MAP1B: variants seen among roughly 807,000 people sequenced by gnomAD.
MAP1B encodes microtubule associated protein 1B.
Under a neutral mutation model 176.1 loss-of-function variants are expected in MAP1B, and 12 were observed. That is an observed-to-expected ratio of 0.07 (90% CI 0.04 to 0.11). The LOEUF is 0.11. MAP1B is among the 10% of genes least tolerant of loss of function. The pLI, the probability that MAP1B is intolerant of heterozygous loss-of-function variation, is 1.00. For missense variants in MAP1B, 2,523 were observed against 2,990.5 expected (o/e 0.84, Z 3.65); for synonymous variants, 1,044 against 1,135.0 (o/e 0.92, Z 1.61).
At chr5:72,183,322 G>C (rs1016066262) in intron 2 of MAP1B, among the ~76,000 whole-genome samples, 8 of 152,142 alleles carry the variant, frequency 5.3e-5, no homozygotes, top group African/African-American at 1.9e-4. Context: ...TCACAATAAG[G>C]CTCCTAATTA....
At chr5:72,193,447 T>C in intron 4 of MAP1B, 1 of 314,660 alleles carries the variant, frequency 3.2e-6, no homozygotes, top group South Asian at 2.8e-5. Context: ...TTAACGTTTT[T>C]TTTTAAAGGG....
At position 72,206,541 on chromosome 5, in the gene MAP1B, A is replaced by G. The variant is rs553342033; in HGVS notation, c.*1302A>G. 1.3e-5 allele frequency: 2 copies of G among 152,750 alleles called. No homozygotes were observed. The highest frequency in any genetic ancestry group is 4.1e-4 in the South Asian group (2 of 4,832). The allele number at this position is 152,750 out of a possible 1,614,324, so 9.5% of individuals were successfully genotyped here. On this transcript the variant is annotated 3_prime_UTR_variant, in exon 7 of 7. Coordinates refer to ENST00000296755, the MANE Select transcript of MAP1B (RefSeq NM_005909.5). ...CAGTATTTACCTTCCTTTGTCTTAC[A>G]TTGGCTTTTTAAATTTTCCATTAAT... is the stretch of plus-strand genomic sequence containing the variant.
At chr5:72,162,571 G>T (rs1362762226) in intron 2 of MAP1B, among the ~76,000 whole-genome samples, 1 of 152,028 alleles carries the variant, frequency 6.6e-6, no homozygotes, top group African/African-American at 2.4e-5. Context: ...ATCATTTTAT[G>T]TTAGCGCTTA....
intron 2 of MAP1B, among the ~76,000 whole-genome samples, chr5:72,144,890 CCTT>C (rs1195926032): frequency 1.3e-5 from 2 of 152,274 alleles, no homozygotes; most frequent in East Asian, 3.9e-4. Context: ...AGAATGCACT[CCTT>C]CTTATAACTG....
At chr5:72,190,576 C>A (rs760863233) in intron 4 of MAP1B, among the ~76,000 whole-genome samples, 1 of 152,216 alleles carries the variant, frequency 6.6e-6, no homozygotes, top group Non-Finnish European at 1.5e-5. Flanking sequence ...TTCTGCCATT[C>A]CACATTTTGC....
At chr5:72,113,726 G>C (rs2112117478) in intron 1 of MAP1B, among the ~76,000 whole-genome samples, 1 of 152,316 alleles carries the variant, frequency 6.6e-6, no homozygotes, top group Non-Finnish European at 1.5e-5. Context: ...ACAAAGTAGA[G>C]CTCAGACCTG....
chr5:72,117,153 A>C (rs904917789), intron 2 of MAP1B, among the ~76,000 whole-genome samples: 6 of 141,558 alleles, frequency 4.2e-5, no homozygotes, highest in Non-Finnish European at 8.9e-5. Flanking sequence ...CTTTGCTTTG[A>C]GAAAAAAGGA....
chr5:72,208,335 A>G lies in MAP1B; in HGVS notation c.*3096A>G, dbSNP rs184007837. 4.6e-5 allele frequency: 7 copies of G among 152,298 alleles called. No individual in the cohort carries two copies. Among genetic ancestry groups the G allele is most frequent in the Admixed American group, 1.3e-4 (2 of 15,296 alleles). The allele number at this position is 152,298 out of a possible 1,614,324, so 9.4% of individuals were successfully genotyped here. On this transcript the variant is annotated 3_prime_UTR_variant, in exon 7 of 7. Coordinates refer to ENST00000296755, the MANE Select transcript of MAP1B (RefSeq NM_005909.5). Reference sequence around the variant, plus strand: ...TCCAATTGTATAGATTGAATATTTGAGTGGAAGGAATTTACACTCTGTTTA... The same window carrying G: ...TCCAATTGTATAGATTGAATATTTGGGTGGAAGGAATTTACACTCTGTTTA...
At chr5:72,115,581 A>T in intron 1 of MAP1B, 117 bp from the exon 2 acceptor site, 1 of 688,670 alleles carries the variant, frequency 1.5e-6, no homozygotes, top group Non-Finnish European at 2.7e-6. Context: ...CAAGCTCTTC[A>T]GAAAAGGAGT....
chr5:72,140,604 C>T lies in MAP1B; in HGVS notation c.286+24805C>T, dbSNP rs184309224. ...CATGGGAAAGGAAAATAGATCCTTT[C>T]TTTATTAAGTTAATTGTGACAGAAA... On this transcript the variant is annotated intron_variant, in intron 2 of 6. Coordinates refer to ENST00000296755, the MANE Select transcript of MAP1B (RefSeq NM_005909.5). Among the ~76,000 whole-genome samples, 456 of 152,236 alleles carry T rather than the reference C, an allele frequency of 3.0e-3. 2 individuals are homozygous for T. Among genetic ancestry groups the T allele is most frequent in the Non-Finnish European group, 4.7e-3 (322 of 68,008 alleles).
Position 72,194,747 on chromosome 5 carries a change from C to G in MAP1B, c.1392C>G (p.Ser464=), listed in dbSNP as rs752050367. ...PNGQEVDLPI[S]YLTSVSSLIV... ...GTCAAGAAGTAGATCTCCCGATTTC[C>G]TACTTAACTTCAGTCTCATCTTTGA... The change falls in exon 5 of 7, where the codon TCC becomes TCG. Residue 464 remains serine (S), a synonymous_variant. Coordinates refer to ENST00000296755, the MANE Select transcript of MAP1B (RefSeq NM_005909.5). This position sits in a 1 kb window ranked among gnomAD's most constrained non-coding sequence, Gnocchi z 7.2. The G allele has an allele frequency of 6.2e-7, 1 of 1,614,186 alleles. No homozygotes were observed. Among genetic ancestry groups the G allele is most frequent in the Non-Finnish European group, 8.5e-7 (1 of 1,180,038 alleles).
chr5:72,137,548 T>C (rs543648673), intron 2 of MAP1B, among the ~76,000 whole-genome samples: 3 of 152,318 alleles, frequency 2.0e-5, no homozygotes, highest in Non-Finnish European at 2.9e-5. Context: ...TCTGTATAGG[T>C]CTGAAGCTCT....
rs185415646 is a variant in MAP1B, at chr5:72,111,604, T to A, written c.184+3889T>A. On this transcript the variant is annotated intron_variant, in intron 1 of 6. Transcript: ENST00000296755. ...GTGAGAATTAAATGTTAGAGAGTCT[T>A]AAATTTACTATATTTGCCTATACTT... Among the ~76,000 whole-genome samples the A allele has an allele frequency of 3.8e-3, 582 of 152,296 alleles. 5 individuals are homozygous for A. The highest frequency in any genetic ancestry group is 0.013 in the African/African-American group (556 of 41,572).
chr5:72,142,287 C>A (rs1407618184), intron 2 of MAP1B, among the ~76,000 whole-genome samples: 1 of 152,094 alleles, frequency 6.6e-6, no homozygotes, highest in Non-Finnish European at 1.5e-5. Context: ...CCTGGGCGGT[C>A]GCTTATTGTG....
intron 1 of MAP1B, among the ~76,000 whole-genome samples, chr5:72,114,903 G>A (rs1326923035): frequency 6.6e-6 from 1 of 152,130 alleles, no homozygotes; most frequent in Non-Finnish European, 1.5e-5. Context: ...TTCAGCCTAG[G>A]GTAGGAATAG....
Position 72,197,203 on chromosome 5 carries a change from C to T in MAP1B, c.3848C>T (p.Pro1283Leu), listed in dbSNP as rs768680313. The T allele has an allele frequency of 2.6e-5, 42 of 1,614,046 alleles. No individual in the cohort carries two copies. The highest frequency in any genetic ancestry group is 3.0e-5 in the Non-Finnish European group (35 of 1,180,032). ...GERSVNFSLTPNEIKVSAEAE... is the reference protein window; with the variant it reads ...GERSVNFSLTLNEIKVSAEAE... ...CGTAGTGTGAACTTCTCTCTGACGC[C>T]CAATGAGATTAAAGTCTCTGCAGAG... Residue 1283 changes from proline (P) to leucine (L), a missense_variant, in exon 5 of 7, where the codon CCC (proline) becomes CTC (leucine). Around this residue, in one of 4 missense-constraint regions of MAP1B, gnomAD observed 1,925 missense variants for 2,126.0 expected, o/e 0.91. Coordinates refer to ENST00000296755, the MANE Select transcript of MAP1B (RefSeq NM_005909.5).
At chr5:72,160,340 T>G (rs2112178710) in intron 2 of MAP1B, among the ~76,000 whole-genome samples, 1 of 152,326 alleles carries the variant, frequency 6.6e-6, no homozygotes, top group South Asian at 2.1e-4. Context: ...TACTACAAAT[T>G]ATACTTTTCT....
At position 72,198,211 on chromosome 5, in the gene MAP1B, T is replaced by G. The variant is rs1211813885; in HGVS notation, c.4856T>G (p.Ile1619Ser). ...SKEECPRPMS[I>S]SPPDFSPKTA... ...GAAGAATGCCCAAGACCGATGTCAATTTCTCCACCAGATTTCTCCCCTAAA... is the reference window on the plus strand; with the variant it reads ...GAAGAATGCCCAAGACCGATGTCAAGTTCTCCACCAGATTTCTCCCCTAAA... Residue 1619 changes from isoleucine to serine, a missense_variant, in exon 5 of 7, where the codon ATT becomes AGT. Physicochemically the swap from Ile to Ser is moderately radical, Grantham distance 142. Around this residue, in one of 4 missense-constraint regions of MAP1B, gnomAD observed 1,925 missense variants for 2,126.0 expected, o/e 0.91. Coordinates refer to ENST00000296755, the MANE Select transcript of MAP1B (RefSeq NM_005909.5). 1.2e-6 allele frequency: 2 copies of G among 1,614,202 alleles called. No homozygotes were observed. Among genetic ancestry groups the G allele is most frequent in the Admixed American group, 3.3e-5 (2 of 60,030 alleles).
In MAP1B at chr5:72,196,795, C is replaced by T; in HGVS notation, c.3440C>T (p.Thr1147Ile). The T allele has an allele frequency of 1.2e-6, 2 of 1,614,050 alleles. No individual in the cohort carries two copies. Among genetic ancestry groups the T allele is most frequent in the Non-Finnish European group, 1.7e-6 (2 of 1,179,984 alleles). The change falls in exon 5 of 7, where the codon ACC becomes ATC. Residue 1147 changes from threonine (T) to isoleucine (I), a missense_variant. Physicochemically the swap from Thr to Ile is moderately conservative, Grantham distance 89. Transcript: ENST00000296755. This position sits in a 1 kb window ranked among gnomAD's most constrained non-coding sequence, Gnocchi z 5.3. Reference sequence around the variant, plus strand: ...CCTCGAGACGTGATGAGTGATGAGACCAACAATGAAGAGACGGAGTCCCCT... The same window carrying T: ...CCTCGAGACGTGATGAGTGATGAGATCAACAATGAAGAGACGGAGTCCCCT... ...STPRDVMSDE[T>I]NNEETESPSQ... is the part of the protein sequence containing the mutation.
Sources: gnomAD v4.1 joint callset for allele counts (sites outside exome capture counted in the v4.1 genomes callset) on GRCh38, gnomAD v4.1.1 for gene constraint, gnomAD v4.1.1 regional missense constraint, Gnocchi (gnomAD v3.1) non-coding constraint, MANE v1.5 for transcripts, NCBI Gene and HGNC (gene_info 2026-07-23, HGNC 2026-07-21) for gene names.